DOP1B: variants seen among roughly 807,000 people sequenced by gnomAD.
DOP1B encodes DOP1 leucine zipper like protein B.
In DOP1B, 174 loss-of-function variants were observed where a neutral mutation model predicts 233.5. The observed-to-expected ratio is 0.75, with a 90% CI of 0.66 to 0.85. The LOEUF (loss-of-function observed/expected upper bound fraction) is 0.85, where lower values mean the gene tolerates loss of function less well. DOP1B is among the 40% of genes least tolerant of loss of function. The pLI is 0.00. For synonymous variants in DOP1B, 1,190 were observed against 1,185.6 expected, an observed-to-expected ratio of 1.00 and a Z score of -0.08; for missense variants, 2,652 against 2,846.6, an observed-to-expected ratio of 0.93 and a Z score of 1.56.
intron 3 of DOP1B, among the ~76,000 whole-genome samples, chr21:36,199,620 T>C (rs1002124995): frequency 1.3e-5 from 2 of 152,046 alleles, no homozygotes; most frequent in African/African-American, 2.4e-5. Context: ...CAGTGTGTGA[T>C]GTTCCCCTTC....
At chr21:36,280,874 C>T (rs967100658) in intron 31 of DOP1B, among the ~76,000 whole-genome samples, 5 of 151,748 alleles carry the variant, frequency 3.3e-5, no homozygotes, top group East Asian at 1.9e-4. Context: ...TAGTGGCGGG[C>T]GCCTGTAGTC....
chr21:36,227,964 G>C, intron 13 of DOP1B, 87 bp downstream of exon 13: 1 of 1,309,906 alleles, frequency 7.6e-7, no homozygotes, highest in South Asian at 1.7e-5. Flanking sequence ...GGGTTGGTTA[G>C]GATAGGAATA....
intron 1 of DOP1B, among the ~76,000 whole-genome samples, chr21:36,161,394 C>T (rs2065868163): frequency 6.6e-6 from 1 of 152,210 alleles, no homozygotes; most frequent in African/African-American, 2.4e-5. Flanking sequence ...ACCTCGGCCT[C>T]CCAAAGCGCT....
At chr21:36,163,904 C>T (rs116874406) in intron 1 of DOP1B, among the ~76,000 whole-genome samples, 1 of 152,302 alleles carries the variant, frequency 6.6e-6, no homozygotes, top group East Asian at 1.9e-4. Flanking sequence ...CAAGATGTAG[C>T]TTCACTCCAA....
chr21:36,232,220 T>G (rs919669303), intron 14 of DOP1B, among the ~76,000 whole-genome samples: 1 of 151,736 alleles, frequency 6.6e-6, no homozygotes, highest in African/African-American at 2.4e-5. Flanking sequence ...TGGCCTCATA[T>G]GATCTGCCCG....
At chr21:36,200,774 C>T (rs372560410) in intron 4 of DOP1B, among the ~76,000 whole-genome samples, 13 of 150,564 alleles carry the variant, frequency 8.6e-5, no homozygotes, top group African/African-American at 3.2e-4. Context: ...ACCTGGGAGG[C>T]GGAGCTTGCA....
chr21:36,287,156 A>C (rs2067494675), intron 32 of DOP1B, among the ~76,000 whole-genome samples: 1 of 152,112 alleles, frequency 6.6e-6, no homozygotes, highest in Non-Finnish European at 1.5e-5. Flanking sequence ...GGAGAGTGTT[A>C]GGGGCTAGAG....
chr21:36,289,082 C>G lies in DOP1B; in HGVS notation c.6391C>G (p.Pro2131Ala). 6.2e-7 allele frequency: 1 copy of G among 1,612,898 alleles called. No individual in the cohort carries two copies. The highest frequency in any genetic ancestry group is 8.5e-7 in the Non-Finnish European group (1 of 1,179,796). The change falls in exon 35 of 37, where the codon CCG becomes GCG. Residue 2131 changes from proline (P) to alanine (A), a missense_variant. Around this residue, in one of 3 missense-constraint regions of DOP1B, gnomAD observed 2,617 missense variants for 2,794.3 expected, o/e 0.94. Coordinates refer to ENST00000691173, the MANE Select transcript of DOP1B (RefSeq NM_001320714.2). Reference protein sequence around the residue: ...NKVNRTKVSVPDANGPSVGEI... With the variant: ...NKVNRTKVSVADANGPSVGEI... ...AGTAAACAGAACGAAAGTTTCAGTC[C>G]CGGATGCAAATGGACCCTCAGTGGG...
At chr21:36,260,235 G>A (rs1156529693) in intron 23 of DOP1B, among the ~76,000 whole-genome samples, 1 of 122,710 alleles carries the variant, frequency 8.1e-6, no homozygotes, top group Non-Finnish European at 1.7e-5. Flanking sequence ...AAGGGGAAGG[G>A]AAGGGAGGAA....
At chr21:36,281,976 C>A (rs1405242017) in intron 32 of DOP1B, among the ~76,000 whole-genome samples, 1 of 152,150 alleles carries the variant, frequency 6.6e-6, no homozygotes, top group Non-Finnish European at 1.5e-5. Context: ...CTCACTGCCC[C>A]CACACACAGA....
chr21:36,164,029 T>C (rs1303233893), intron 1 of DOP1B, among the ~76,000 whole-genome samples: 3 of 152,204 alleles, frequency 2.0e-5, no homozygotes, highest in Non-Finnish European at 2.9e-5. Flanking sequence ...TGACATCTCA[T>C]TGTCAAGAGC....
rs2065908494 is a variant in DOP1B at position 36,166,032 on chromosome 21, C to CT, written c.138+1162dup. Among the ~76,000 whole-genome samples the CT allele has an allele frequency of 2.7e-5, 4 of 150,616 alleles. No individual in the cohort carries two copies. In the South Asian group the frequency reaches 8.7e-4, roughly 33 times the overall value. On this transcript the variant is annotated intron_variant, in intron 2 of 36. Transcript: ENST00000691173. ...ACACCTGGCCACTCTTTATGAGAAT[C>CT]TAACTAATACCTGATGATCTGAGGT...
chr21:36,165,553 T>G (rs1000680360), intron 2 of DOP1B, among the ~76,000 whole-genome samples: 5 of 152,036 alleles, frequency 3.3e-5, no homozygotes, highest in African/African-American at 1.2e-4. Context: ...CCGTGGCCTA[T>G]TAGGAACCGG....
chr21:36,276,181 T>C (rs547786341), intron 27 of DOP1B, among the ~76,000 whole-genome samples: 1 of 152,058 alleles, frequency 6.6e-6, no homozygotes, highest in East Asian at 1.9e-4. Context: ...ATGGAGAGGA[T>C]GTTAGTGAGT....
At chr21:36,207,277 C>T (rs1433081127) in intron 4 of DOP1B, among the ~76,000 whole-genome samples, 1 of 151,786 alleles carries the variant, frequency 6.6e-6, no homozygotes, top group Non-Finnish European at 1.5e-5. Context: ...CTCCGCCTCC[C>T]GGCTTCAAGC....
Position 36,200,511 on chromosome 21 carries a change from C to T in DOP1B, c.491+10C>T, listed in dbSNP as rs1020294699. The T allele has an allele frequency of 2.1e-5, 34 of 1,597,722 alleles. No homozygotes were observed. The highest frequency in any genetic ancestry group is 2.6e-5 in the Non-Finnish European group (31 of 1,173,772). On this transcript the variant is annotated intron_variant, in intron 4 of 36. Transcript: ENST00000691173. The stretch of plus-strand genomic sequence containing the variant: ...CCGAGATCTCCGACAGGTGCGTGGG[C>T]GTCTTGTCCAGGCTGTGTTTACTCC...
rs771689798 is a variant in DOP1B at position 36,253,790 on chromosome 21, G to A, written c.5140G>A (p.Ala1714Thr). 1.8e-5 allele frequency: 29 copies of A among 1,612,830 alleles called. No individual in the cohort carries two copies. The highest frequency in any genetic ancestry group is 2.5e-5 in the Non-Finnish European group (29 of 1,179,426). ...SKMKIIPTAS[A>T]SQLTLVDLVC... ...TTGGCAGATTATCCCAACGGCAAGT[G>A]CATCCCAGCTAACCCTTGTCGACTT... Residue 1714 changes from alanine (A) to threonine (T), a missense_variant, in exon 23 of 37, where the codon GCA (alanine) becomes ACA (threonine). Physicochemically the swap from Ala to Thr is moderately conservative, Grantham distance 58. This residue lies in a region of DOP1B where 2,617 missense variants were observed against 2,794.3 expected (regional missense o/e 0.94). Transcript: ENST00000691173.
Position 36,230,788 on chromosome 21 carries a change from G to T in DOP1B, c.2004G>T (p.Thr668=). The T allele has an allele frequency of 6.2e-7, 1 of 1,614,140 alleles. No homozygotes were observed. The highest frequency in any genetic ancestry group is 8.5e-7 in the Non-Finnish European group (1 of 1,180,010). The change falls in exon 14 of 37, where the codon ACG becomes ACT. Residue 668 remains threonine, a synonymous_variant. Transcript: ENST00000691173. ...EPAGKRDRDG[T]QSLAANDSSR... ...CAGGGAAGAGGGACAGGGATGGGAC[G>T]CAGAGCCTGGCAGCCAATGATTCCA... is the stretch of plus-strand genomic sequence containing the variant.
chr21:36,287,857 T>C (rs1382601805), intron 32 of DOP1B, among the ~76,000 whole-genome samples, 157 bp from the exon 33 acceptor site: 3 of 152,116 alleles, frequency 2.0e-5, no homozygotes, highest in Non-Finnish European at 2.9e-5. Context: ...AGTGCTGGGA[T>C]TACAAGTGCG....
Sources: gnomAD v4.1 joint callset for allele counts (sites outside exome capture counted in the v4.1 genomes callset) on GRCh38, gnomAD v4.1.1 for gene constraint, gnomAD v4.1.1 regional missense constraint, MANE v1.5 for transcripts, NCBI Gene and HGNC (gene_info 2026-07-23, HGNC 2026-07-21) for gene names.